Variants in CFAP91 observed in about 807,000 individuals in gnomAD.
The protein encoded by CFAP91 is cilia- and flagella-associated protein 91.
A neutral mutation model predicts 95.9 loss-of-function variants in CFAP91; 85 were observed. That is an observed-to-expected ratio of 0.89 (90% CI 0.74 to 1.06). CFAP91 has a LOEUF of 1.06. Ranked by LOEUF, CFAP91 falls within the 50% of genes least tolerant of loss-of-function variation. The probability of loss-of-function intolerance (pLI) is 0.00; values close to 1 mark genes in which losing one functional copy is unlikely to be tolerated. For synonymous variants in CFAP91, 335 were observed against 327.5 expected (o/e 1.02, Z -0.25); for missense variants, 962 against 943.4 (o/e 1.02, Z -0.26).
At chr3:119,732,096 G>A (rs955967459) in intron 8 of CFAP91, among the ~76,000 whole-genome samples, 198 bp from the exon 9 acceptor site, 2 of 152,154 alleles carry the variant, frequency 1.3e-5, no homozygotes, top group African/African-American at 4.8e-5. Context: ...TGTCACTCCT[G>A]CCTGTCTCAT....
rs1220648515 is a variant in CFAP91 at position 119,766,791 on chromosome 3, GA to G, written c.*1746del. On this transcript the variant is annotated 3_prime_UTR_variant, in exon 18 of 18. Transcript: ENST00000273390. ...TTTTAATTAAAATCAATTCATGTTT[GA>G]AAAAGGATTTAAAGTAGCTTCTAAT... 1 of 152,096 alleles carries G rather than the reference GA, an allele frequency of 6.6e-6. No individual in the cohort carries two copies. Among genetic ancestry groups the G allele is most frequent in the Non-Finnish European group, 1.5e-5 (1 of 68,022 alleles). The allele number at this position is 152,096 out of a possible 1,614,324, so 9.4% of individuals were successfully genotyped here.
At chr3:119,708,010 A>C (rs1205785555) in intron 3 of CFAP91, among the ~76,000 whole-genome samples, 1 of 152,094 alleles carries the variant, frequency 6.6e-6, no homozygotes, top group Non-Finnish European at 1.5e-5. Flanking sequence ...GGCCAGGCAC[A>C]GTGGCTCACG....
chr3:119,707,993 G>T (rs1389516378), intron 3 of CFAP91, among the ~76,000 whole-genome samples: 1 of 152,044 alleles, frequency 6.6e-6, no homozygotes, highest in African/African-American at 2.4e-5. Context: ...TAGAAAAAGT[G>T]TCTTTTGGCC....
intron 10 of CFAP91, among the ~76,000 whole-genome samples, chr3:119,736,521 C>G (rs988633104): frequency 7.9e-5 from 12 of 152,024 alleles, no homozygotes; most frequent in African/African-American, 2.9e-4. Context: ...CGTGATCCAC[C>G]CTCCTCGGCC....
intron 5 of CFAP91, 76 bp from the exon 6 acceptor site, chr3:119,715,486 T>C: frequency 8.1e-7 from 1 of 1,227,592 alleles, no homozygotes; most frequent in Non-Finnish European, 1.2e-6. Context: ...CTTCGAAGAT[T>C]TGTTTCTACT....
At chr3:119,726,068 T>G in intron 6 of CFAP91, 103 bp from the exon 7 acceptor site, 1 of 980,820 alleles carries the variant, frequency 1.0e-6, no homozygotes, top group Non-Finnish European at 1.5e-6. Context: ...TCATGGCCCT[T>G]GAATTTGGAG....
Position 119,733,469 on chromosome 3 carries a change from C to T in CFAP91, c.1307C>T (p.Ala436Val). 3.7e-6 allele frequency: 6 copies of T among 1,614,034 alleles called. No individual in the cohort carries two copies. Among genetic ancestry groups the T allele is most frequent in the Non-Finnish European group, 5.1e-6 (6 of 1,179,950 alleles). ...ITTKAGFLKRAARLDYELAEV... is the reference protein window; with the variant it reads ...ITTKAGFLKRVARLDYELAEV... ...ACCAAAGCTGGTTTTCTGAAGAGGG[C>T]AGCAAGGTTGGACTATGAGTTGGCA... is the stretch of plus-strand genomic sequence containing the variant. Residue 436 changes from alanine (A) to valine (V), a missense_variant, in exon 10 of 18, where the codon GCA becomes GTA. Ala to Val is a moderately conservative substitution (Grantham distance 64). Coordinates refer to ENST00000273390, the MANE Select transcript of CFAP91 (RefSeq NM_033364.4).
chr3:119,765,908 A>G lies in CFAP91; in HGVS notation c.*858A>G, dbSNP rs1467826593. 6.6e-6 allele frequency: 1 copy of G among 152,258 alleles called. No individual in the cohort carries two copies. Among genetic ancestry groups the G allele is most frequent in the Admixed American group, 6.5e-5 (1 of 15,292 alleles). The allele number at this position is 152,258 out of a possible 1,614,324, so 9.4% of individuals were successfully genotyped here. A position where few individuals can be genotyped will look rare whatever the true frequency, so the allele number is the denominator to read the frequency against. On this transcript the variant is annotated 3_prime_UTR_variant, in exon 18 of 18. Coordinates refer to ENST00000273390, the MANE Select transcript of CFAP91 (RefSeq NM_033364.4). ...TACTGTAAGAAACAAGGAAAATTGC[A>G]GAAACATTTGCTGAGTGTTTTTAAT... is the stretch of plus-strand genomic sequence containing the variant.
Position 119,737,407 on chromosome 3 carries a change from A to AC in CFAP91, c.1391dup (p.Arg465SerfsTer24). On this transcript the variant is annotated frameshift_variant, in exon 11 of 18. Transcript: ENST00000273390. LOFTEE classifies it high-confidence loss of function. Reference sequence around the variant, plus strand: ...AGAATAAAGTTCTTGAAGTAAAGAAACCCCCTCGCTTCCTTCAAAGAAACC... The same window carrying AC: ...AGAATAAAGTTCTTGAAGTAAAGAAACCCCCCTCGCTTCCTTCAAAGAAACC... 2.5e-6 allele frequency: 4 copies of AC among 1,610,262 alleles called. No individual in the cohort carries two copies. Among genetic ancestry groups the AC allele is most frequent in the Non-Finnish European group, 3.4e-6 (4 of 1,178,402 alleles).
intron 10 of CFAP91, 36 bp from the exon 11 acceptor site, chr3:119,737,330 T>TA (rs748946717): frequency 9.7e-6 from 13 of 1,334,022 alleles, no homozygotes; most frequent in East Asian, 2.3e-5. Context: ...AAATTTTTGT[T>TA]AAAAAAAGAG....
At chr3:119,760,716 C>A (rs976987846) in intron 17 of CFAP91, among the ~76,000 whole-genome samples, 3 of 150,908 alleles carry the variant, frequency 2.0e-5, no homozygotes, top group Non-Finnish European at 4.4e-5. Context: ...AAATCAGTAA[C>A]AGGAGGGATT....
intron 17 of CFAP91, among the ~76,000 whole-genome samples, chr3:119,758,737 A>G (rs1396718651): frequency 6.6e-6 from 1 of 152,150 alleles, no homozygotes; most frequent in Non-Finnish European, 1.5e-5. Context: ...GTTCTGAATG[A>G]AAAGACATTT....
At chr3:119,713,701 C>A (rs893988775) in intron 5 of CFAP91, among the ~76,000 whole-genome samples, 4 of 151,716 alleles carry the variant, frequency 2.6e-5, no homozygotes, top group African/African-American at 9.7e-5. Flanking sequence ...ATAATTTTAC[C>A]ATCTAGAAAT....
chr3:119,740,419 C>A, intron 12 of CFAP91, 130 bp from the exon 13 acceptor site: 1 of 1,029,486 alleles, frequency 9.7e-7, no homozygotes, highest in East Asian at 2.4e-5. Flanking sequence ...CACATCTGCT[C>A]TGTGGAACCC....
intron 9 of CFAP91, 88 bp from the exon 10 acceptor site, chr3:119,733,276 T>G: frequency 7.1e-7 from 1 of 1,400,678 alleles, no homozygotes; most frequent in Admixed American, 2.2e-5. Flanking sequence ...TGAAACTGCT[T>G]GGCAAACAGC....
intron 6 of CFAP91, among the ~76,000 whole-genome samples, chr3:119,717,569 T>TTA (rs2053601343): frequency 6.9e-6 from 1 of 145,684 alleles, no homozygotes; most frequent in Admixed American, 6.9e-5. Flanking sequence ...TTTTTTTTTT[T>TTA]CACAAACATC....
At chr3:119,742,150 A>G (rs2054133284) in intron 13 of CFAP91, among the ~76,000 whole-genome samples, 2 of 152,162 alleles carry the variant, frequency 1.3e-5, no homozygotes, top group Admixed American at 1.3e-4. Flanking sequence ...TATTCCATTT[A>G]GTGGATATAC....
intron 6 of CFAP91, among the ~76,000 whole-genome samples, chr3:119,717,287 G>A (rs1014625554): frequency 3.9e-5 from 6 of 152,194 alleles, no homozygotes; most frequent in African/African-American, 9.7e-5. Flanking sequence ...GTGTGATAAG[G>A]ACTTGGCGTT....
Position 119,707,403 on chromosome 3 carries a change from G to A in CFAP91, c.202-1G>A, listed in dbSNP as rs2107852443. The A allele has an allele frequency of 1.3e-6, 2 of 1,533,198 alleles. No individual in the cohort carries two copies. The highest frequency in any genetic ancestry group is 4.6e-5 in the East Asian group (2 of 43,354). The allele number at this position is 1,533,198 out of a possible 1,614,324, so 95.0% of individuals were successfully genotyped here. On this transcript the variant is annotated splice_acceptor_variant, in intron 2 of 17. Coordinates refer to ENST00000273390, the MANE Select transcript of CFAP91 (RefSeq NM_033364.4). LOFTEE classifies it high-confidence loss of function. ...CCTTTGCCTCCCTTCTCTAACATTA[G>A]AGAAAAGTTCCCAGGTTTAAAACCA... is the stretch of plus-strand genomic sequence containing the variant.
Sources: allele counts gnomAD v4.1 joint callset (sites outside exome capture counted in the v4.1 genomes callset), GRCh38; gene constraint gnomAD v4.1.1; transcripts MANE v1.5; gene names NCBI Gene and HGNC (gene_info 2026-07-23, HGNC 2026-07-21).